ROBO2: variants seen among roughly 807,000 people sequenced by gnomAD.
ROBO2 encodes roundabout guidance receptor 2.
A neutral mutation model predicts 160.8 loss-of-function variants in ROBO2; 53 were observed. That is an observed-to-expected ratio of 0.33 (90% CI 0.26 to 0.41). ROBO2 has a LOEUF of 0.41. ROBO2 is among the 10% of genes least tolerant of loss of function. The pLI, the probability that ROBO2 is intolerant of heterozygous loss-of-function variation, is 1.00. For missense variants in ROBO2, 1,577 were observed against 1,722.4 expected, an observed-to-expected ratio of 0.92 and a Z score of 1.49; for synonymous variants, 664 against 611.7, an observed-to-expected ratio of 1.09 and a Z score of -1.26.
intron 2 of ROBO2, among the ~76,000 whole-genome samples, chr3:76,067,823 T>A (rs1431126847): frequency 7.5e-6 from 1 of 133,586 alleles, no homozygotes; most frequent in Non-Finnish European, 1.6e-5. Flanking sequence ...AGTAAAAATT[T>A]GAGGTTAAGC....
At chr3:76,487,189 A>C (rs929372090) in intron 2 of ROBO2, among the ~76,000 whole-genome samples, 11 of 150,374 alleles carry the variant, frequency 7.3e-5, no homozygotes, top group African/African-American at 2.7e-4. Context: ...CTTTGTTCCC[A>C]GGCTGATCTC....
intron 2 of ROBO2, among the ~76,000 whole-genome samples, chr3:77,267,722 A>T (rs1381008297): frequency 6.6e-6 from 1 of 152,120 alleles, no homozygotes; most frequent in Non-Finnish European, 1.5e-5. Context: ...TGGCTATGTA[A>T]AGTGCATGCA....
chr3:77,286,622 A>G (rs951507163), intron 2 of ROBO2, among the ~76,000 whole-genome samples: 3 of 152,170 alleles, frequency 2.0e-5, no homozygotes, highest in Non-Finnish European at 2.9e-5. Context: ...TCATCCATGT[A>G]GAATATTCCT....
chr3:76,769,706 C>G (rs2061775184), intron 2 of ROBO2, among the ~76,000 whole-genome samples: 1 of 151,418 alleles, frequency 6.6e-6, no homozygotes, highest in Non-Finnish European at 1.5e-5. Context: ...TTTATTGTCT[C>G]TTGCCGTGTA....
intron 1 of ROBO2, among the ~76,000 whole-genome samples, chr3:77,044,949 C>G (rs1275140873): frequency 6.6e-6 from 1 of 152,094 alleles, no homozygotes; most frequent in South Asian, 2.1e-4. Context: ...TATTGCTTTT[C>G]TCCTTCTTCT....
chr3:76,672,861 G>C (rs573665132), intron 2 of ROBO2, among the ~76,000 whole-genome samples: 7 of 152,064 alleles, frequency 4.6e-5, no homozygotes, highest in Non-Finnish European at 7.4e-5. Flanking sequence ...ATTGATACAC[G>C]TATCTTTGAT....
chr3:76,028,158 A>T (rs1449586049), intron 2 of ROBO2, among the ~76,000 whole-genome samples: 2 of 151,974 alleles, frequency 1.3e-5, no homozygotes, highest in Non-Finnish European at 2.9e-5. Context: ...CTCAGATGAG[A>T]AGAAATCCAA....
intron 2 of ROBO2, among the ~76,000 whole-genome samples, chr3:77,272,251 C>A (rs2059538955): frequency 6.6e-6 from 1 of 152,076 alleles, no homozygotes; most frequent in Admixed American, 6.6e-5. Flanking sequence ...TAAAGAAATA[C>A]CTGAGATTGG....
chr3:77,587,212 C>T (rs2094074042), intron 16 of ROBO2, among the ~76,000 whole-genome samples: 1 of 152,086 alleles, frequency 6.6e-6, no homozygotes, highest in Non-Finnish European at 1.5e-5. Context: ...TCCCCTGTTT[C>T]TGTCCAACAG....
chr3:77,607,848 A>T lies in ROBO2; in HGVS notation c.3187A>T (p.Lys1063Ter). 6.2e-7 allele frequency: 1 copy of T among 1,614,078 alleles called. No homozygotes were observed. Among genetic ancestry groups the T allele is most frequent in the Non-Finnish European group, 8.5e-7 (1 of 1,179,960 alleles). ...AAATAAAAACTCTTCTAAACCACAG[A>T]AAAACAATGGATCCACTTGGGCCAA... is the stretch of plus-strand genomic sequence containing the variant. Residue 1063 changes from lysine to a stop codon, truncating the protein, a stop_gained, in exon 21 of 26, where the codon AAA (lysine) becomes TAA (stop). Coordinates refer to ENST00000461745, the Ensembl canonical transcript of ROBO2. LOFTEE classifies it high-confidence loss of function.
chr3:76,261,168 ATGTGTGTGTGTGTGTG>A (rs66742168), intron 2 of ROBO2, among the ~76,000 whole-genome samples: 1 of 122,746 alleles, frequency 8.1e-6, no homozygotes, highest in East Asian at 2.4e-4. Context: ...AAACTAAATT[ATGTGTGTGTGTGTGTG>A]TGTGTGTGTG....
intron 2 of ROBO2, among the ~76,000 whole-genome samples, chr3:76,429,620 A>G (rs1195683357): frequency 1.3e-5 from 2 of 152,204 alleles, no homozygotes; most frequent in Non-Finnish European, 2.9e-5. Context: ...AACTAAGTAG[A>G]ACATTTCATA....
chr3:76,948,712 A>ATT (rs746075602), intron 2 of ROBO2, among the ~76,000 whole-genome samples: 2 of 135,678 alleles, frequency 1.5e-5, no homozygotes, highest in African/African-American at 2.7e-5. Context: ...TTATAATTTA[A>ATT]TTTTTTTTTT....
At chr3:76,687,218 T>G (rs1002409342) in intron 2 of ROBO2, among the ~76,000 whole-genome samples, 1 of 152,082 alleles carries the variant, frequency 6.6e-6, no homozygotes, top group African/African-American at 2.4e-5. Context: ...TAATACAGGC[T>G]CTGAATCCAG....
At chr3:77,245,598 G>T (rs2089631694) in intron 2 of ROBO2, among the ~76,000 whole-genome samples, 1 of 152,112 alleles carries the variant, frequency 6.6e-6, no homozygotes, top group Admixed American at 6.5e-5. Context: ...GACTCATTTA[G>T]CTCAACTCTC....
intron 2 of ROBO2, among the ~76,000 whole-genome samples, chr3:76,622,231 GAAGGAAGAAAGA>G (rs1469327130): frequency 7.2e-3 from 258 of 36,082 alleles, no homozygotes; most frequent in African/African-American, 9.2e-3. Flanking sequence ...AGGAAGGAAG[GAAGGAAGAAAGA>G]AAGAAAGAAA....
At chr3:76,169,859 G>C (rs2072976634) in intron 2 of ROBO2, among the ~76,000 whole-genome samples, 1 of 152,080 alleles carries the variant, frequency 6.6e-6, no homozygotes, top group East Asian at 1.9e-4. Context: ...TCAGCTCACT[G>C]CAACTCCAGC....
At chr3:77,016,437 C>T (rs2062261536) in intron 2 of ROBO2, among the ~76,000 whole-genome samples, 1 of 152,188 alleles carries the variant, frequency 6.6e-6, no homozygotes, top group East Asian at 1.9e-4. Context: ...ACCACATTTT[C>T]CCTATCTTCG....
intron 2 of ROBO2, among the ~76,000 whole-genome samples, chr3:76,648,433 G>A (rs1031235854): frequency 2.6e-5 from 4 of 151,998 alleles, no homozygotes; most frequent in Admixed American, 2.0e-4. Flanking sequence ...TGCAATGCAC[G>A]ATCTTTGATT....
Sources: gnomAD v4.1 joint callset for allele counts (sites outside exome capture counted in the v4.1 genomes callset) on GRCh38, gnomAD v4.1.1 for gene constraint, MANE v1.5 for transcripts, NCBI Gene and HGNC (gene_info 2026-07-23, HGNC 2026-07-21) for gene names.